CAPZB: variants seen among roughly 807,000 people sequenced by gnomAD.
The protein encoded by CAPZB is F-actin-capping protein subunit beta.
Under a neutral mutation model 38.1 loss-of-function variants are expected in CAPZB, and 2 were observed. The observed-to-expected ratio is 0.05, with a 90% CI of 0.02 to 0.17. CAPZB has a LOEUF of 0.17. Ranked by LOEUF, CAPZB falls within the 10% of genes least tolerant of loss-of-function variation. CAPZB has a pLI of 1.00. For missense variants in CAPZB, 161 were observed against 334.2 expected (o/e 0.48, Z 4.04); for synonymous variants, 107 against 127.4 (o/e 0.84, Z 1.08).
At chr1:19,443,109 A>G (rs1426399808) in intron 1 of CAPZB, among the ~76,000 whole-genome samples, 1 of 152,032 alleles carries the variant, frequency 6.6e-6, no homozygotes, top group African/African-American at 2.4e-5. Context: ...ATTCCTGGCC[A>G]GGAGTGGTAG....
intron 2 of CAPZB, among the ~76,000 whole-genome samples, chr1:19,387,182 A>AC (rs1372026189): frequency 1.3e-5 from 2 of 152,184 alleles, no homozygotes; most frequent in African/African-American, 2.4e-5. Context: ...CCATAAAGTT[A>AC]CCCAAGGGCC....
chr1:19,466,937 TG>T (rs2094571025), intron 1 of CAPZB, among the ~76,000 whole-genome samples: 1 of 152,180 alleles, frequency 6.6e-6, no homozygotes, highest in African/African-American at 2.4e-5. Context: ...GGTGTTGTTC[TG>T]TCACCCAGGC....
intron 4 of CAPZB, among the ~76,000 whole-genome samples, chr1:19,369,513 G>A (rs890490084): frequency 3.3e-5 from 5 of 152,232 alleles, no homozygotes; most frequent in South Asian, 2.1e-4. Context: ...CAGGCAGGGC[G>A]GGTTCTCAGA....
In CAPZB at chr1:19,419,860, G is replaced by T. The variant is rs549423730; in HGVS notation, c.4-110C>A. ...GGCATTCTAAAACCCAAAGAGCCAC[G>T]CAGTGGGCCCTCCGCCAGGTCTCTG... On this transcript the variant is annotated intron_variant, in intron 1 of 8. Coordinates refer to ENST00000264202, the MANE Select transcript of CAPZB (RefSeq NM_004930.5). 184 of 671,710 alleles carry T rather than the reference G, an allele frequency of 2.7e-4. No homozygotes were observed. The African/African-American group carries it at 3.0e-3, about 11-fold the overall frequency. The allele number at this position is 671,710 out of a possible 1,614,324, so 41.6% of individuals were successfully genotyped here.
intron 3 of CAPZB, among the ~76,000 whole-genome samples, chr1:19,384,986 C>T (rs762157479): frequency 2.6e-5 from 4 of 152,138 alleles, no homozygotes; most frequent in Admixed American, 2.6e-4. Context: ...GGTGATCAGA[C>T]ACCCAGGGCA....
intron 8 of CAPZB, among the ~76,000 whole-genome samples, chr1:19,342,161 C>T (rs1430723311): frequency 6.6e-6 from 1 of 152,224 alleles, no homozygotes; most frequent in African/African-American, 2.4e-5. Context: ...CTGGTTGTGG[C>T]CGAGTCGGCA....
At chr1:19,445,326 A>G (rs2094492495) in intron 1 of CAPZB, among the ~76,000 whole-genome samples, 2 of 152,102 alleles carry the variant, frequency 1.3e-5, no homozygotes, top group African/African-American at 4.8e-5. Context: ...CCACCAAAAA[A>G]GCAAAAGTTG....
chr1:19,404,562 A>AAAAG (rs386366380), intron 2 of CAPZB, among the ~76,000 whole-genome samples: 6 of 143,314 alleles, frequency 4.2e-5, no homozygotes, highest in African/African-American at 1.6e-4. Flanking sequence ...AAAAAAAAAA[A>AAAAG]AAGAGGTAAT....
At chr1:19,463,634 C>G (rs2094559536) in intron 1 of CAPZB, among the ~76,000 whole-genome samples, 1 of 152,162 alleles carries the variant, frequency 6.6e-6, no homozygotes, top group African/African-American at 2.4e-5. Context: ...CCATGCCCAC[C>G]TCCACCACTT....
chr1:19,341,824 G>A (rs552771975), intron 8 of CAPZB, among the ~76,000 whole-genome samples: 1 of 152,310 alleles, frequency 6.6e-6, no homozygotes, highest in South Asian at 2.1e-4. Context: ...CCACGGCCTC[G>A]GAAAAGCAGC....
intron 2 of CAPZB, among the ~76,000 whole-genome samples, chr1:19,392,715 C>G (rs868069363): frequency 6.6e-6 from 1 of 152,030 alleles, no homozygotes; most frequent in African/African-American, 2.4e-5. Flanking sequence ...TGTTTGAACC[C>G]GGGAAGTCGA....
rs374808431 is a variant in CAPZB, at chr1:19,370,344, G to A, written c.329+8196C>T. Among the ~76,000 whole-genome samples, 115 of 152,328 alleles carry A rather than the reference G, an allele frequency of 7.5e-4. No individual in the cohort carries two copies. The South Asian group carries it at 0.014, about 18-fold the overall frequency. ...CGGAATGTGGCACAAAGTTGCCCTC[G>A]GGGCCAAGGGTTATTGAAGGGAACA... On this transcript the variant is annotated intron_variant, in intron 4 of 8. Transcript: ENST00000264202.
intron 1 of CAPZB, among the ~76,000 whole-genome samples, chr1:19,458,375 C>T (rs913912480): frequency 3.1e-4 from 47 of 152,220 alleles, no homozygotes; most frequent in Middle Eastern, 3.4e-3. Flanking sequence ...AATTTTGAGA[C>T]GGAGTTTCAC....
intron 2 of CAPZB, among the ~76,000 whole-genome samples, chr1:19,401,988 A>G (rs981915386): frequency 6.6e-6 from 1 of 152,112 alleles, no homozygotes. Context: ...CAGTAATTTA[A>G]CTCTACTTTT....
rs903966594 is a variant in CAPZB, at chr1:19,338,834, G to A, written c.*696C>T. 1 of 152,424 alleles carries A rather than the reference G, an allele frequency of 6.6e-6. No homozygotes were observed. The highest frequency in any genetic ancestry group is 2.4e-5 in the African/African-American group (1 of 41,432). The allele number at this position is 152,424 out of a possible 1,614,324, so 9.4% of individuals were successfully genotyped here. A position where few individuals can be genotyped will look rare whatever the true frequency, so the allele number is the denominator to read the frequency against. The stretch of plus-strand genomic sequence containing the variant: ...TTCTTTTCTTTTTTTAAGTATGGAG[G>A]CTCAAGTATAAGATGTAGATTTTTT... On this transcript the variant is annotated 3_prime_UTR_variant, in exon 9 of 9. Coordinates refer to ENST00000264202, the MANE Select transcript of CAPZB (RefSeq NM_004930.5).
chr1:19,396,128 G>C (rs910337508), intron 2 of CAPZB, among the ~76,000 whole-genome samples: 1 of 152,258 alleles, frequency 6.6e-6, no homozygotes, highest in Non-Finnish European at 1.5e-5. Flanking sequence ...CCTGCACCCT[G>C]TGCAGGATGC....
chr1:19,415,385 T>C (rs950471021), intron 2 of CAPZB, among the ~76,000 whole-genome samples: 1 of 152,214 alleles, frequency 6.6e-6, no homozygotes, highest in Non-Finnish European at 1.5e-5. Flanking sequence ...TGCATAATAG[T>C]GTGAATTTTC....
At chr1:19,444,684 G>A (rs978267188) in intron 1 of CAPZB, among the ~76,000 whole-genome samples, 5 of 152,162 alleles carry the variant, frequency 3.3e-5, no homozygotes, top group African/African-American at 1.2e-4. Flanking sequence ...AATTCAGAGA[G>A]GTGATCTAAA....
At chr1:19,432,561 C>T (rs1311502406) in intron 1 of CAPZB, among the ~76,000 whole-genome samples, 2 of 152,168 alleles carry the variant, frequency 1.3e-5, no homozygotes, top group Non-Finnish European at 1.5e-5. Flanking sequence ...ATTTCAAACG[C>T]AAAAGGGAAG....
Sources: allele counts gnomAD v4.1 joint callset (sites outside exome capture counted in the v4.1 genomes callset), GRCh38; gene constraint gnomAD v4.1.1; transcripts MANE v1.5; gene names NCBI Gene and HGNC (gene_info 2026-07-23, HGNC 2026-07-21).